The following EYS variants were observed in gnomAD, a reference collection of about 807,000 sequenced individuals.
EYS encodes the protein EGF-like photoreceptor maintenance factor, also known as protein eyes shut homolog.
In EYS, 250 loss-of-function variants were observed where a neutral mutation model predicts 282.1. That is an observed-to-expected ratio of 0.89 (90% confidence interval 0.80 to 0.98). The LOEUF is 0.98. EYS is among the 50% of genes least tolerant of loss of function. The pLI is 0.00. For missense variants in EYS, 4,016 were observed against 3,709.0 expected, an observed-to-expected ratio of 1.08 and a Z score of -2.15; for synonymous variants, 1,355 against 1,282.9, an observed-to-expected ratio of 1.06 and a Z score of -1.20.
At chr6:64,438,247 C>A (rs983452453) in intron 27 of EYS, among the ~76,000 whole-genome samples, 8 of 151,730 alleles carry the variant, frequency 5.3e-5, no homozygotes, top group African/African-American at 1.9e-4. Context: ...GCATTCTTAA[C>A]GTTTATTGAG....
chr6:64,380,260 G>A (rs1163174741), intron 29 of EYS, among the ~76,000 whole-genome samples: 2 of 152,080 alleles, frequency 1.3e-5, no homozygotes, highest in Non-Finnish European at 2.9e-5. Context: ...ACAAACAAAT[G>A]TAAATGTGTT....
chr6:64,434,462 T>C (rs925430376), intron 28 of EYS, among the ~76,000 whole-genome samples: 3 of 152,080 alleles, frequency 2.0e-5, no homozygotes, highest in Admixed American at 1.3e-4. Flanking sequence ...TTAATTAATA[T>C]TGTTGTTTCT....
At chr6:64,716,909 G>A (rs1771419212) in intron 22 of EYS, among the ~76,000 whole-genome samples, 1 of 152,168 alleles carries the variant, frequency 6.6e-6, no homozygotes, top group South Asian at 2.1e-4. Flanking sequence ...CTTGGAGAAA[G>A]TGAATCGCCT....
chr6:64,447,232 G>C (rs560186676), intron 26 of EYS, among the ~76,000 whole-genome samples: 1 of 152,076 alleles, frequency 6.6e-6, no homozygotes, highest in Admixed American at 6.5e-5. Flanking sequence ...AGAAGAGCTT[G>C]AATTTTATCA....
intron 12 of EYS, among the ~76,000 whole-genome samples, chr6:65,087,025 G>A (rs986245994): frequency 3.9e-5 from 6 of 152,172 alleles, no homozygotes; most frequent in Non-Finnish European, 5.9e-5. Flanking sequence ...GTTTCACCAT[G>A]TTGGCCAGAA....
intron 5 of EYS, among the ~76,000 whole-genome samples, chr6:65,436,944 G>A (rs1768095001): frequency 6.6e-6 from 1 of 152,014 alleles, no homozygotes; most frequent in Non-Finnish European, 1.5e-5. Context: ...GAATGGCCAA[G>A]ACAATTCTGT....
chr6:64,320,639 C>T (rs1922972), intron 29 of EYS, among the ~76,000 whole-genome samples: 108,701 of 151,406 alleles, frequency 0.72, 39,205 homozygotes, highest in African/African-American at 0.79. Flanking sequence ...AAGTCTTTTA[C>T]GTTGATCATA....
chr6:64,931,155 A>T (rs572909020), intron 15 of EYS, among the ~76,000 whole-genome samples: 6 of 152,262 alleles, frequency 3.9e-5, no homozygotes, highest in Non-Finnish European at 8.8e-5. Context: ...AGCTAAATAG[A>T]TTTGATATTC....
chr6:65,412,545 T>A (rs772106068), intron 5 of EYS, among the ~76,000 whole-genome samples: 1 of 152,162 alleles, frequency 6.6e-6, no homozygotes, highest in African/African-American at 2.4e-5. Context: ...TGTAGCAACA[T>A]ATTATTGTGG....
chr6:64,914,298 A>G (rs1768097205), intron 15 of EYS, among the ~76,000 whole-genome samples: 1 of 152,206 alleles, frequency 6.6e-6, no homozygotes, highest in Non-Finnish European at 1.5e-5. Flanking sequence ...TGGGCAAGGT[A>G]GATTTCCAAA....
chr6:64,630,288 G>A (rs931434217), intron 22 of EYS, among the ~76,000 whole-genome samples: 4 of 151,806 alleles, frequency 2.6e-5, no homozygotes, highest in Non-Finnish European at 4.4e-5. Context: ...TAATAGAGAC[G>A]GGATTTCACC....
intron 30 of EYS, among the ~76,000 whole-genome samples, chr6:64,291,801 T>C (rs1184508285): frequency 6.6e-6 from 1 of 152,102 alleles, no homozygotes; most frequent in African/African-American, 2.4e-5. Context: ...AAAATGAAGG[T>C]AGGACATTTG....
chr6:64,826,484 T>TA (rs1765059741), intron 19 of EYS, among the ~76,000 whole-genome samples: 1 of 151,688 alleles, frequency 6.6e-6, no homozygotes. Flanking sequence ...CCCACTTATT[T>TA]AAAAATCCTC....
intron 2 of EYS, among the ~76,000 whole-genome samples, chr6:65,525,572 G>A (rs1040913328): frequency 3.3e-5 from 5 of 152,268 alleles, no homozygotes; most frequent in Admixed American, 1.3e-4. Context: ...CTGTCTTATT[G>A]TTTGTTTCTC....
rs149529963 is a variant in EYS at position 64,829,519 on chromosome 6, A to G, written c.2993-6697T>C. On this transcript the variant is annotated intron_variant, in intron 19 of 42. Coordinates refer to ENST00000503581, the MANE Select transcript of EYS (RefSeq NM_001142800.2). ...GGGCTTATGTAGTGTTGATCCATCA[A>G]TATGAGAGCTCTCATAATATCTCAC... Among the ~76,000 whole-genome samples the G allele has an allele frequency of 5.3e-5, 8 of 152,058 alleles. No homozygotes were observed. In the East Asian group the frequency reaches 7.8e-4, roughly 15 times the overall value.
chr6:64,544,215 T>C (rs1764778126), intron 26 of EYS, among the ~76,000 whole-genome samples: 1 of 152,194 alleles, frequency 6.6e-6, no homozygotes, highest in South Asian at 2.1e-4. Context: ...TTTTAACCTG[T>C]ACACTCGCTA....
At chr6:64,751,663 T>A (rs1772762306) in intron 22 of EYS, among the ~76,000 whole-genome samples, 1 of 152,234 alleles carries the variant, frequency 6.6e-6, no homozygotes, top group African/African-American at 2.4e-5. Flanking sequence ...TCAGCCACTG[T>A]TGGCTCCTAT....
intron 22 of EYS, among the ~76,000 whole-genome samples, chr6:64,685,369 C>A (rs925882627): frequency 2.0e-5 from 3 of 152,118 alleles, no homozygotes. Flanking sequence ...CCACTGCTAT[C>A]ATTTGTATGT....
chr6:65,034,133 C>T (rs1431288816), intron 13 of EYS, among the ~76,000 whole-genome samples: 8 of 152,132 alleles, frequency 5.3e-5, no homozygotes, highest in Non-Finnish European at 2.9e-5. Flanking sequence ...CTAATTTCTC[C>T]CCTTTGGAAC....
Sources: gnomAD v4.1 joint callset for allele counts (sites outside exome capture counted in the v4.1 genomes callset) on GRCh38, gnomAD v4.1.1 for gene constraint, MANE v1.5 for transcripts, NCBI Gene and HGNC (gene_info 2026-07-23, HGNC 2026-07-21) for gene names.